The following HSPB6 variants were observed in gnomAD, a reference collection of about 807,000 sequenced individuals.
HSPB6 encodes heat shock protein beta-6.
HSPB6 carries 8 observed loss-of-function variants against 10.7 expected under a neutral mutation model. The observed-to-expected ratio is 0.75, with a 90% CI of 0.44 to 1.35. The LOEUF (loss-of-function observed/expected upper bound fraction) is 1.35. Ranked by LOEUF, HSPB6 falls within the 40% of genes most tolerant of loss-of-function variation. HSPB6 has a pLI of 0.00. For missense variants in HSPB6, 232 were observed against 236.0 expected (o/e 0.98, Z 0.11); for synonymous variants, 128 against 114.2 (o/e 1.12, Z -0.77).
chr19:35,754,769 CTGGTTAGAG>C lies in HSPB6; in HGVS notation c.*744_*752del. 2.2e-6 allele frequency: 1 copy of C among 453,178 alleles called. No individual in the cohort carries two copies. Among genetic ancestry groups the C allele is most frequent in the Non-Finnish European group, 4.0e-6 (1 of 251,182 alleles). 28.1% of individuals were successfully genotyped at this position (453,178 alleles called of 1,614,324 possible). ...ACAAAGGGACTTAGGGGGATGGGGT[CTGGTTAGAG>C]TTGGGGAGGGGGCCTAGGACATCCG... On this transcript the variant is annotated 3_prime_UTR_variant, in exon 3 of 3. Coordinates refer to ENST00000004982, the MANE Select transcript of HSPB6 (RefSeq NM_144617.3).
Position 35,755,054 on chromosome 19 carries a change from TGGGGGGTG to T in HSPB6, c.*460_*467del. On this transcript the variant is annotated 3_prime_UTR_variant, in exon 3 of 3. Coordinates refer to ENST00000004982, the MANE Select transcript of HSPB6 (RefSeq NM_144617.3). ...GGAGGTCTGTGCAGTCCAGGACGTT[TGGGGGGTG>T]GGGGGATTGTGCCTGACTGGCCTGG... 6.9e-6 allele frequency: 1 copy of T among 144,384 alleles called. No individual in the cohort carries two copies. The highest frequency in any genetic ancestry group is 1.2e-5 in the Non-Finnish European group (1 of 85,842). The allele number at this position is 144,384 out of a possible 1,614,324, so 8.9% of individuals were successfully genotyped here. A position where few individuals can be genotyped will look rare whatever the true frequency, so the allele number is the denominator to read the frequency against.
At position 35,755,063 on chromosome 19, in the gene HSPB6, G is replaced by A. The variant is rs1415585811; in HGVS notation, c.*459C>T. 3.3e-6 allele frequency: 1 copy of A among 304,490 alleles called. No homozygotes were observed. The highest frequency in any genetic ancestry group is 6.2e-6 in the Non-Finnish European group (1 of 160,448). The allele number at this position is 304,490 out of a possible 1,614,324, so 18.9% of individuals were successfully genotyped here. A position where few individuals can be genotyped will look rare whatever the true frequency, so the allele number is the denominator to read the frequency against. The stretch of plus-strand genomic sequence containing the variant: ...TGCAGTCCAGGACGTTTGGGGGGTG[G>A]GGGGATTGTGCCTGACTGGCCTGGG... On this transcript the variant is annotated 3_prime_UTR_variant, in exon 3 of 3. Coordinates refer to ENST00000004982, the MANE Select transcript of HSPB6 (RefSeq NM_144617.3).
chr19:35,755,805 G>T lies in HSPB6; in HGVS notation c.288C>A (p.His96Gln). ...EEIAVKVVGE[H>Q]VEVHARHEER... is the part of the protein sequence containing the mutation. ...CCTCGTGGCGCGCGTGCACCTCCAC[G>T]TGTTCGCCCACCACCTTGACAGCAA... The change falls in exon 2 of 3, where the codon CAC (histidine) becomes CAA (glutamine). Residue 96 changes from histidine (H) to glutamine (Q), a missense_variant. By Grantham distance (24) the His-to-Gln change is conservative. Transcript: ENST00000004982. The T allele has an allele frequency of 6.3e-7, 1 of 1,596,010 alleles. No homozygotes were observed. The highest frequency in any genetic ancestry group is 1.7e-5 in the Admixed American group (1 of 58,178).
chr19:35,755,418 C>T lies in HSPB6; in HGVS notation c.*104G>A. On this transcript the variant is annotated 3_prime_UTR_variant, in exon 3 of 3. Transcript: ENST00000004982. Reference sequence around the variant, plus strand: ...CAGAATCCAGGAGTGGGTGAGAGGACAGTCCTTGGCGCACTCGGGACATCT... The same window carrying T: ...CAGAATCCAGGAGTGGGTGAGAGGATAGTCCTTGGCGCACTCGGGACATCT... 1 of 1,183,870 alleles carries T rather than the reference C, an allele frequency of 8.4e-7. No individual in the cohort carries two copies. The highest frequency in any genetic ancestry group is 1.2e-6 in the Non-Finnish European group (1 of 828,434). 73.3% of individuals were successfully genotyped at this position (1,183,870 alleles called of 1,614,324 possible).
intron 1 of HSPB6, among the ~76,000 whole-genome samples, chr19:35,756,183 T>C (rs1437216788): frequency 6.6e-6 from 1 of 151,518 alleles, no homozygotes; most frequent in Non-Finnish European, 1.5e-5. Context: ...GAATCCGAAG[T>C]CATCGTGCCC....
rs1970737997 is a variant in HSPB6, at chr19:35,755,237, G to T, written c.*285C>A. ...TATGCCAAGAAAGTGGGTCGGTGGGGCTGAGACTGTCGGCTGAGGGTTAGG... is the reference window on the plus strand; with the variant it reads ...TATGCCAAGAAAGTGGGTCGGTGGGTCTGAGACTGTCGGCTGAGGGTTAGG... On this transcript the variant is annotated 3_prime_UTR_variant, in exon 3 of 3. Coordinates refer to ENST00000004982, the MANE Select transcript of HSPB6 (RefSeq NM_144617.3). The T allele has an allele frequency of 4.9e-6, 3 of 609,200 alleles. No individual in the cohort carries two copies. Among genetic ancestry groups the T allele is most frequent in the Non-Finnish European group, 5.8e-6 (2 of 344,666 alleles). 37.7% of individuals were successfully genotyped at this position (609,200 alleles called of 1,614,324 possible).
intron 1 of HSPB6, among the ~76,000 whole-genome samples, chr19:35,756,542 G>A (rs1970759753): frequency 6.6e-6 from 1 of 152,124 alleles, no homozygotes; most frequent in African/African-American, 2.4e-5. Context: ...TTCAGAGTAA[G>A]CAAGACTCCC....
At chr19:35,755,706 C>G in intron 2 of HSPB6, 23 bp from the exon 3 acceptor site, 1 of 1,521,592 alleles carries the variant, frequency 6.6e-7, no homozygotes, top group Admixed American at 2.1e-5. Context: ...GAGGCTTGAG[C>G]GGCCCCGCCC....
Position 35,756,390 on chromosome 19 carries a change from AG to A in HSPB6, c.198+420del, listed in dbSNP as rs562520072. ...GGCCGGGAACCCTTCCTCAAGTCGC[AG>A]GGCCCTCTCCCCTCCTCTTCTGGAG... On this transcript the variant is annotated intron_variant, in intron 1 of 2. Transcript: ENST00000004982. Among the ~76,000 whole-genome samples the A allele has an allele frequency of 4.3e-4, 66 of 152,220 alleles. No individual in the cohort carries two copies. In the East Asian group the frequency reaches 7.9e-3, roughly 18 times the overall value.
In HSPB6 at chr19:35,754,685, G is replaced by C. The variant is rs1194471969; in HGVS notation, c.*837C>G. The C allele has an allele frequency of 1.2e-5, 7 of 606,726 alleles. No homozygotes were observed. The East Asian group carries it at 1.7e-4, about 15-fold the overall frequency. The allele number at this position is 606,726 out of a possible 1,614,324, so 37.6% of individuals were successfully genotyped here. ...TGCTCAGTTGGGTCTTGAAGGAGAA[G>C]AGGAGGAGGGTGGGAGGTGGGTTGC... On this transcript the variant is annotated 3_prime_UTR_variant, in exon 3 of 3. Transcript: ENST00000004982.
Position 35,754,711 on chromosome 19 carries a change from C to T in HSPB6, c.*811G>A, listed in dbSNP as rs527703570. ...AGGAGGAGGGTGGGAGGTGGGTTGC[C>T]GAGGATATCTGGTTGAAGACTTGGG... On this transcript the variant is annotated 3_prime_UTR_variant, in exon 3 of 3. Transcript: ENST00000004982. 24 of 566,744 alleles carry T rather than the reference C, an allele frequency of 4.2e-5. No individual in the cohort carries two copies. Among genetic ancestry groups the T allele is most frequent in the East Asian group, 4.1e-4 (14 of 33,750 alleles). The allele number at this position is 566,744 out of a possible 1,614,324, so 35.1% of individuals were successfully genotyped here.
In HSPB6 at chr19:35,754,990, G is replaced by A. The variant is rs1970735005; in HGVS notation, c.*532C>T. On this transcript the variant is annotated 3_prime_UTR_variant, in exon 3 of 3. Transcript: ENST00000004982. ...GTAGACTGTCTGGTTGCAGGGGAAGGATCGGGTCTTGGGAACCAGGCCTGG... is the reference window on the plus strand; with the variant it reads ...GTAGACTGTCTGGTTGCAGGGGAAGAATCGGGTCTTGGGAACCAGGCCTGG... 3.6e-6 allele frequency: 1 copy of A among 275,284 alleles called. No homozygotes were observed. The highest frequency in any genetic ancestry group is 7.1e-6 in the Non-Finnish European group (1 of 141,584). The allele number at this position is 275,284 out of a possible 1,614,324, so 17.1% of individuals were successfully genotyped here. A position where few individuals can be genotyped will look rare whatever the true frequency, so the allele number is the denominator to read the frequency against.
In HSPB6 at chr19:35,755,410, TGA is replaced by T; in HGVS notation, c.*110_*111del. On this transcript the variant is annotated 3_prime_UTR_variant, in exon 3 of 3. Coordinates refer to ENST00000004982, the MANE Select transcript of HSPB6 (RefSeq NM_144617.3). ...GGTCAGGGCAGAATCCAGGAGTGGG[TGA>T]GAGGACAGTCCTTGGCGCACTCGGG... The T allele has an allele frequency of 9.1e-7, 1 of 1,098,874 alleles. No individual in the cohort carries two copies. The allele number at this position is 1,098,874 out of a possible 1,614,324, so 68.1% of individuals were successfully genotyped here.
chr19:35,754,592 G>A lies in HSPB6; in HGVS notation c.*930C>T, dbSNP rs1356580026. The stretch of plus-strand genomic sequence containing the variant: ...TGGCAGAGCTCTAGCACATTTATTG[G>A]GAGAGTAAGCCTGGGAAAGACTAAG... On this transcript the variant is annotated 3_prime_UTR_variant, in exon 3 of 3. Coordinates refer to ENST00000004982, the MANE Select transcript of HSPB6 (RefSeq NM_144617.3). 10 of 918,694 alleles carry A rather than the reference G, an allele frequency of 1.1e-5. No homozygotes were observed. The African/African-American group carries it at 1.1e-4, about 11-fold the overall frequency. 56.9% of individuals were successfully genotyped at this position (918,694 alleles called of 1,614,324 possible).
At chr19:35,755,943 C>T (rs972383229) in intron 1 of HSPB6, 49 bp from the exon 2 acceptor site, 2 of 1,536,864 alleles carry the variant, frequency 1.3e-6, no homozygotes, top group African/African-American at 1.4e-5. Context: ...GGGCCAGGCT[C>T]CAGGACCCAC....
At chr19:35,756,780 G>C (rs571008867) in intron 1 of HSPB6, 31 bp downstream of exon 1, 57 of 1,532,160 alleles carry the variant, frequency 3.7e-5, no homozygotes, top group Admixed American at 7.8e-5. Context: ...CAATGGAAGT[G>C]GTCGAGTTCA....
rs1047502638 is a variant in HSPB6, at chr19:35,755,772, C to G, written c.321G>C (p.Pro107=). The part of the protein sequence containing the change: ...VEVHARHEER[P]DEHGFVAREF... The stretch of plus-strand genomic sequence containing the variant: ...AGCCCCGCCCCACGCCGCGGCTCAC[C>G]GGGCGCTCCTCGTGGCGCGCGTGCA... Residue 107 remains proline (P), a splice_region_variant and synonymous_variant, in exon 2 of 3, where the codon CCG becomes CCC. Transcript: ENST00000004982. 1.3e-6 allele frequency: 2 copies of G among 1,580,728 alleles called. No homozygotes were observed. The highest frequency in any genetic ancestry group is 8.6e-7 in the Non-Finnish European group (1 of 1,165,204).
chr19:35,754,619 G>C lies in HSPB6; in HGVS notation c.*903C>G. Reference sequence around the variant, plus strand: ...AGAGTAAGCCTGGGAAAGACTAAGGGAGTGGTGGCAGGGAGAAAGGCTGTG... The same window carrying C: ...AGAGTAAGCCTGGGAAAGACTAAGGCAGTGGTGGCAGGGAGAAAGGCTGTG... On this transcript the variant is annotated 3_prime_UTR_variant, in exon 3 of 3. Coordinates refer to ENST00000004982, the MANE Select transcript of HSPB6 (RefSeq NM_144617.3). 1 of 762,944 alleles carries C rather than the reference G, an allele frequency of 1.3e-6. No homozygotes were observed. Among genetic ancestry groups the C allele is most frequent in the Non-Finnish European group, 2.2e-6 (1 of 452,630 alleles). 47.3% of individuals were successfully genotyped at this position (762,944 alleles called of 1,614,324 possible).
At chr19:35,755,992 T>C (rs1970749045) in intron 1 of HSPB6, 98 bp from the exon 2 acceptor site, 7 of 1,478,392 alleles carry the variant, frequency 4.7e-6, no homozygotes, top group Non-Finnish European at 6.3e-6. Context: ...GTGCCGCGGC[T>C]CACTCTGGCC....
Sources: allele counts gnomAD v4.1 joint callset (sites outside exome capture counted in the v4.1 genomes callset), GRCh38; gene constraint gnomAD v4.1.1; transcripts MANE v1.5; gene names NCBI Gene and HGNC (gene_info 2026-07-23, HGNC 2026-07-21).